CDC42BPB: variants seen among roughly 807,000 people sequenced by gnomAD.
CDC42BPB encodes CDC42 binding protein kinase beta, also known as serine/threonine-protein kinase MRCK beta.
A neutral mutation model predicts 214.9 loss-of-function variants in CDC42BPB; 37 were observed. The observed-to-expected ratio is 0.17, with a 90% confidence interval of 0.13 to 0.23. The LOEUF is 0.23. Among genes scored for constraint, CDC42BPB ranks in the 10% least tolerant of loss-of-function variants. The pLI is 1.00. For synonymous variants in CDC42BPB, 931 were observed against 884.0 expected (o/e 1.05, Z -0.94); for missense variants, 1,694 against 2,227.0 (o/e 0.76, Z 4.82).
At position 102,965,260 on chromosome 14, in the gene CDC42BPB, C is replaced by T. The variant is rs372120342; in HGVS notation, c.2578-610G>A. Reference sequence around the variant, plus strand: ...GTAATGCAATTTCTATATGGGTCCACTGGACCCTGGACCCTTTTACAAACC... The same window carrying T: ...GTAATGCAATTTCTATATGGGTCCATTGGACCCTGGACCCTTTTACAAACC... On this transcript the variant is annotated intron_variant, in intron 18 of 36. Coordinates refer to ENST00000361246, the MANE Select transcript of CDC42BPB (RefSeq NM_006035.4). 3.9e-5 allele frequency among the ~76,000 whole-genome samples: 6 copies of T among 152,226 alleles called. No individual in the cohort carries two copies. In the East Asian group the frequency reaches 1.2e-3, roughly 29 times the overall value.
Position 102,933,648 on chromosome 14 carries a change from CA to C in CDC42BPB, c.*63del. 1 of 1,299,694 alleles carries C rather than the reference CA, an allele frequency of 7.7e-7. No individual in the cohort carries two copies. The highest frequency in any genetic ancestry group is 2.4e-4 in the Middle Eastern group (1 of 4,226). 80.5% of individuals were successfully genotyped at this position (1,299,694 alleles called of 1,614,324 possible). ...CTTGGACAACACTGGAGGGCCCGCTCAGTCTTGGCACTGACGCTGGAGGCCA... is the reference window on the plus strand; with the variant it reads ...CTTGGACAACACTGGAGGGCCCGCTCGTCTTGGCACTGACGCTGGAGGCCA... On this transcript the variant is annotated 3_prime_UTR_variant, in exon 37 of 37. Coordinates refer to ENST00000361246, the MANE Select transcript of CDC42BPB (RefSeq NM_006035.4).
rs1446810002 is a variant in CDC42BPB at position 103,008,357 on chromosome 14, G to A, written c.351+115C>T. ...AAAAGAGAGTGCTCGCTCTGTCCGG[G>A]GGGCAGGGAGGCCCAGGGCTGTGGG... On this transcript the variant is annotated intron_variant, in intron 3 of 36. Transcript: ENST00000361246. The A allele has an allele frequency of 1.2e-5, 9 of 722,892 alleles. No individual in the cohort carries two copies. In the South Asian group the frequency reaches 1.4e-4, roughly 12 times the overall value. 44.8% of individuals were successfully genotyped at this position (722,892 alleles called of 1,614,324 possible).
chr14:102,967,256 ACT>A, intron 16 of CDC42BPB, 86 bp from the exon 17 acceptor site: 2 of 1,480,752 alleles, frequency 1.4e-6, no homozygotes, highest in South Asian at 1.4e-5. Context: ...TCTTTTGAAG[ACT>A]CTGAAAGTTT....
rs1171607400 is a variant in CDC42BPB at position 103,057,370 on chromosome 14, C to T, written c.-197G>A. ...CCCGACGGCGCAGAGTCTGGGGCGC[C>T]GGGCCCCGCGGGTCCATGGGCCGCT... On this transcript the variant is annotated 5_prime_UTR_variant, in exon 1 of 37. Transcript: ENST00000361246. 3.1e-6 allele frequency: 3 copies of T among 978,288 alleles called. No homozygotes were observed. The highest frequency in any genetic ancestry group is 6.0e-5 in the Admixed American group (1 of 16,628). The allele number at this position is 978,288 out of a possible 1,614,324, so 60.6% of individuals were successfully genotyped here.
chr14:103,018,103 T>C (rs2285017), intron 1 of CDC42BPB, among the ~76,000 whole-genome samples: 5,254 of 152,264 alleles, frequency 0.035, 301 homozygotes, highest in Admixed American at 0.14. Flanking sequence ...GCATGCAACA[T>C]AGATCCCTCA....
intron 29 of CDC42BPB, chr14:102,945,286 G>T (rs768751306): frequency 2.2e-6 from 1 of 462,676 alleles, no homozygotes; most frequent in South Asian, 1.5e-5. Flanking sequence ...TGTGGAGCGG[G>T]TGCATGCCAG....
In CDC42BPB at chr14:102,943,996, C is replaced by T. The variant is rs1277362736; in HGVS notation, c.4303G>A (p.Glu1435Lys). Residue 1435 changes from glutamate to lysine, a missense_variant, in exon 30 of 37, where the codon GAG (glutamate) becomes AAG (lysine). Glu to Lys is a moderately conservative substitution (Grantham distance 56, BLOSUM62 1). This residue lies in a region of CDC42BPB where 567 missense variants were observed against 790.3 expected (regional missense o/e 0.72). Transcript: ENST00000361246. The surrounding 1 kb of genome is among the most constrained non-coding windows in gnomAD (Gnocchi z 4.6). ...DALCAVELES[E>K]EYLLCFSHMG... Reference sequence around the variant, plus strand: ...TGGCTGAAGCAAAGCAGGTACTCCTCGCTTTCGAGCTCCACAGCACAAAGG... The same window carrying T: ...TGGCTGAAGCAAAGCAGGTACTCCTTGCTTTCGAGCTCCACAGCACAAAGG... 5 of 1,613,176 alleles carry T rather than the reference C, an allele frequency of 3.1e-6. No homozygotes were observed. The highest frequency in any genetic ancestry group is 4.5e-5 in the East Asian group (2 of 44,890).
At chr14:102,975,476 T>G (rs1441843100) in intron 11 of CDC42BPB, among the ~76,000 whole-genome samples, 4 of 152,140 alleles carry the variant, frequency 2.6e-5, no homozygotes, top group Admixed American at 2.6e-4. Context: ...TGAGCTGAGA[T>G]CGCACCACTG....
chr14:102,933,758 C>A lies in CDC42BPB; in HGVS notation c.5090G>T (p.Ser1697Ile). ...GPPSPNSPHR[S>I]QLPLEGLEQP... is the part of the protein sequence containing the mutation. ...CTCCAGGCCTTCGAGGGGGAGCTGG[C>A]TCCTGTGGGGGGAGTTGGGGCTCGG... Residue 1697 changes from serine to isoleucine, a missense_variant, in exon 37 of 37, where the codon AGC (serine) becomes ATC (isoleucine). Physicochemically the swap from Ser to Ile is moderately radical, Grantham distance 142 (BLOSUM62 -2). Coordinates refer to ENST00000361246, the MANE Select transcript of CDC42BPB (RefSeq NM_006035.4). 6.7e-7 allele frequency: 1 copy of A among 1,497,490 alleles called. No homozygotes were observed. Among genetic ancestry groups the A allele is most frequent in the East Asian group, 2.7e-5 (1 of 37,184 alleles). The allele number at this position is 1,497,490 out of a possible 1,614,324, so 92.8% of individuals were successfully genotyped here.
chr14:103,022,146 C>T (rs776716478), intron 1 of CDC42BPB, among the ~76,000 whole-genome samples: 4 of 152,022 alleles, frequency 2.6e-5, no homozygotes, highest in African/African-American at 9.7e-5. Context: ...GAGGTGGCTG[C>T]GGGGAAGAGA....
chr14:102,949,918 C>T lies in CDC42BPB; in HGVS notation c.3310-14G>A. ...GGGCTTTGGGACCTATGAATAAAAA[C>T]AAACAGTGGCCACGTTCCACCAGGC... On this transcript the variant is annotated splice_polypyrimidine_tract_variant and intron_variant, in intron 25 of 36. Transcript: ENST00000361246. 6.2e-7 allele frequency: 1 copy of T among 1,612,318 alleles called. No individual in the cohort carries two copies. The highest frequency in any genetic ancestry group is 8.5e-7 in the Non-Finnish European group (1 of 1,179,256).
chr14:102,947,144 TTG>T (rs1892219090), intron 27 of CDC42BPB, among the ~76,000 whole-genome samples: 1 of 152,142 alleles, frequency 6.6e-6, no homozygotes, highest in African/African-American at 2.4e-5. Context: ...TATGACAGGG[TTG>T]TTTCTGAATA....
chr14:102,943,961 C>T lies in CDC42BPB; in HGVS notation c.4338G>A (p.Leu1446=), dbSNP rs764317338. The change falls in exon 30 of 37, where the codon CTG becomes CTA. Residue 1446 remains leucine (L), a synonymous_variant. Coordinates refer to ENST00000361246, the MANE Select transcript of CDC42BPB (RefSeq NM_006035.4). The surrounding 1 kb of genome is among the most constrained non-coding windows in gnomAD (Gnocchi z 4.6). ...EYLLCFSHMG[L]YVDPQGRRAR... ...CCCTCCGGCCTTGCGGGTCCACGTA[C>T]AGTCCCATGTGGCTGAAGCAAAGCA... 8 of 1,612,868 alleles carry T rather than the reference C, an allele frequency of 5.0e-6. No individual in the cohort carries two copies. In the East Asian group the frequency reaches 1.6e-4, roughly 31 times the overall value.
rs895183812 is a variant in CDC42BPB at position 103,053,596 on chromosome 14, C to T, written c.175+3403G>A. ...CTAACACGGTGAAACCCCGTCTCTA[C>T]TAAAAATACAAAAAAATTAGCCAGG... is the stretch of plus-strand genomic sequence containing the variant. On this transcript the variant is annotated intron_variant, in intron 1 of 36. Transcript: ENST00000361246. Among the ~76,000 whole-genome samples the T allele has an allele frequency of 1.1e-4, 16 of 150,366 alleles. No individual in the cohort carries two copies. The East Asian group carries it at 3.1e-3, about 29-fold the overall frequency.
chr14:103,032,630 CTTTTT>C (rs35712321), intron 1 of CDC42BPB, among the ~76,000 whole-genome samples: 2 of 109,014 alleles, frequency 1.8e-5, no homozygotes, highest in Non-Finnish European at 3.6e-5. Context: ...AACAAATCCA[CTTTTT>C]TTTTTTTTTT....
At chr14:102,945,242 A>C in intron 29 of CDC42BPB, 1 of 458,668 alleles carries the variant, frequency 2.2e-6, no homozygotes, top group Non-Finnish European at 4.4e-6. Flanking sequence ...GGCCAGTTCC[A>C]GTCTCCTGAC....
At chr14:102,961,541 T>C (rs1892962242) in intron 20 of CDC42BPB, among the ~76,000 whole-genome samples, 1 of 150,304 alleles carries the variant, frequency 6.7e-6, no homozygotes, top group Non-Finnish European at 1.5e-5. Flanking sequence ...CCCCCCCCAC[T>C]TTTTTTTAAG....
intron 1 of CDC42BPB, among the ~76,000 whole-genome samples, chr14:103,020,731 T>C (rs1456060802): frequency 2.0e-5 from 3 of 152,232 alleles, no homozygotes; most frequent in Non-Finnish European, 4.4e-5. Flanking sequence ...TGGCAGGGAA[T>C]GCAGGCGCCT....
At chr14:102,952,416 C>G (rs1161685147) in intron 24 of CDC42BPB, 82 bp downstream of exon 24, 33 of 834,390 alleles carry the variant, frequency 4.0e-5, no homozygotes, top group Non-Finnish European at 5.7e-5. Context: ...TGCATCAGGG[C>G]TGCCCTGGAG....
Sources: allele counts gnomAD v4.1 joint callset (sites outside exome capture counted in the v4.1 genomes callset), GRCh38; gene constraint gnomAD v4.1.1; regional missense constraint gnomAD v4.1.1; non-coding constraint Gnocchi (gnomAD v3.1); transcripts MANE v1.5; gene names NCBI Gene and HGNC (gene_info 2026-07-23, HGNC 2026-07-21).